Variants in LINGO1 observed in about 807,000 individuals in gnomAD.
LINGO1 encodes leucine rich repeat and Ig domain containing 1, also known as leucine-rich repeat and immunoglobulin-like domain-containing nogo receptor-interacting protein 1.
In LINGO1, 11 loss-of-function variants were observed where a neutral mutation model predicts 37.3. The observed-to-expected ratio is 0.29, with a 90% confidence interval of 0.19 to 0.49. LINGO1 has a LOEUF of 0.49. Among genes scored for constraint, LINGO1 ranks in the 20% least tolerant of loss-of-function variants. The probability of loss-of-function intolerance (pLI) is 0.99; values close to 1 mark genes in which losing one functional copy is unlikely to be tolerated. For synonymous variants in LINGO1, 387 were observed against 403.0 expected (o/e 0.96, Z 0.48); for missense variants, 585 against 878.2 (o/e 0.67, Z 4.22).
At chr15:77,711,602 A>G (rs2075918421) in intron 2 of LINGO1, among the ~76,000 whole-genome samples, 1 of 152,224 alleles carries the variant, frequency 6.6e-6, no homozygotes, top group African/African-American at 2.4e-5. Context: ...CAGGTTCCCT[A>G]TCTGTAAACA....
intron 3 of LINGO1, among the ~76,000 whole-genome samples, chr15:77,674,505 G>A (rs916016629): frequency 6.6e-6 from 1 of 152,022 alleles, no homozygotes; most frequent in African/African-American, 2.4e-5. Flanking sequence ...GTCCCTGTTC[G>A]GCTGCATGGC....
At position 77,614,749 on chromosome 15, in the gene LINGO1, C is replaced by A; in HGVS notation, c.1158G>T (p.Arg386=). The change falls in exon 2 of 2, where the codon CGG becomes CGT. Residue 386 remains arginine, a synonymous_variant. Coordinates refer to ENST00000355300, the MANE Select transcript of LINGO1 (RefSeq NM_032808.7). ...TGGGCTGCTGCCGGTTGAAGTTGAG[C>A]CGCCAGCGGCGCCGGAACACCCACA... ...RLLWVFRRRW[R]LNFNRQQPTC... 1 of 1,605,926 alleles carries A rather than the reference C, an allele frequency of 6.2e-7. No individual in the cohort carries two copies. The highest frequency in any genetic ancestry group is 8.5e-7 in the Non-Finnish European group (1 of 1,176,398).
At chr15:77,638,580 A>G (rs1002717444), upstream of LINGO1, among the ~76,000 whole-genome samples, 1 of 152,194 alleles carries the variant, frequency 6.6e-6, no homozygotes, top group Non-Finnish European at 1.5e-5. Context: ...AAATCCATTC[A>G]TTAAGCGCTT....
At chr15:77,722,657 T>C (rs1378335474) in intron 2 of LINGO1, among the ~76,000 whole-genome samples, 1 of 152,264 alleles carries the variant, frequency 6.6e-6, no homozygotes, top group Non-Finnish European at 1.5e-5. Context: ...ATCACGGTTC[T>C]GTCTTTTAAA....
intron 1 of LINGO1, among the ~76,000 whole-genome samples, chr15:77,746,878 C>T (rs958551520): frequency 1.3e-5 from 2 of 152,234 alleles, no homozygotes; most frequent in Non-Finnish European, 1.5e-5. Flanking sequence ...CCAGAGACCA[C>T]CCCCCACTCC....
At chr15:77,797,070 G>A (rs890400145) in intron 1 of LINGO1, among the ~76,000 whole-genome samples, 12 of 152,178 alleles carry the variant, frequency 7.9e-5, no homozygotes, top group African/African-American at 2.9e-4. Context: ...TCCTCTGTGA[G>A]TAGGGGAGGG....
chr15:77,763,534 C>G (rs150187489), intron 1 of LINGO1, among the ~76,000 whole-genome samples: 1 of 152,138 alleles, frequency 6.6e-6, no homozygotes, highest in Non-Finnish European at 1.5e-5. Flanking sequence ...GACTGACCCT[C>G]GAATATGTCC....
chr15:77,808,751 T>C (rs760931848), intron 1 of LINGO1, among the ~76,000 whole-genome samples: 7 of 152,112 alleles, frequency 4.6e-5, no homozygotes, highest in East Asian at 3.9e-4. Context: ...TAAATGGGGA[T>C]AGTAATAGTG....
intron 1 of LINGO1, among the ~76,000 whole-genome samples, chr15:77,759,976 GGGATGTGGCCCGGAAA>G (rs1229317927): frequency 6.6e-6 from 1 of 152,244 alleles, no homozygotes; most frequent in African/African-American, 2.4e-5. Flanking sequence ...CCGGAGGGAG[GGGATGTGGCCCGGAAA>G]TAAACTGCCA....
At chr15:77,806,045 G>A (rs942402410) in intron 1 of LINGO1, among the ~76,000 whole-genome samples, 36 of 152,094 alleles carry the variant, frequency 2.4e-4, no homozygotes, top group African/African-American at 7.7e-4. Flanking sequence ...ACCTCTCCTC[G>A]GCAGCTATGG....
chr15:77,669,486 AG>A (rs2075210047), intron 3 of LINGO1, among the ~76,000 whole-genome samples: 1 of 152,130 alleles, frequency 6.6e-6, no homozygotes, highest in South Asian at 2.1e-4. Flanking sequence ...TACACACCAG[AG>A]GAAGGGAGAG....
chr15:77,753,864 C>T (rs1325930691), intron 1 of LINGO1, among the ~76,000 whole-genome samples: 8 of 152,222 alleles, frequency 5.3e-5, no homozygotes, highest in African/African-American at 1.9e-4. Flanking sequence ...GCCACTCACC[C>T]AAAGAGGCAG....
intron 1 of LINGO1, chr15:77,735,197 C>T (rs1485751507): frequency 6.6e-6 from 1 of 152,340 alleles, no homozygotes; most frequent in Non-Finnish European, 1.5e-5. Context: ...AGACCTGGAC[C>T]CTGCCCTCTG....
intron 2 of LINGO1, among the ~76,000 whole-genome samples, chr15:77,732,317 C>A (rs2076161174): frequency 6.6e-6 from 1 of 152,232 alleles, no homozygotes; most frequent in Non-Finnish European, 1.5e-5. Context: ...GCAGCGTTTG[C>A]AGCAGACACA....
intron 3 of LINGO1, among the ~76,000 whole-genome samples, chr15:77,672,260 C>G (rs996119380): frequency 6.6e-6 from 1 of 151,814 alleles, no homozygotes; most frequent in South Asian, 2.1e-4. Context: ...GTACCCAACC[C>G]TCCCCTTTCA....
At chr15:77,684,941 TG>T (rs2075478869) in intron 2 of LINGO1, among the ~76,000 whole-genome samples, 1 of 151,872 alleles carries the variant, frequency 6.6e-6, no homozygotes, top group Non-Finnish European at 1.5e-5. Flanking sequence ...GGGAGGGCTC[TG>T]GGTTCTGACT....
At chr15:77,634,171 C>T (rs2074347341), upstream of LINGO1, 2 of 450,160 alleles carry the variant, frequency 4.4e-6, no homozygotes, top group Non-Finnish European at 8.9e-6. Context: ...TGCGCAACAT[C>T]ATTGCAGAGA....
intron 1 of LINGO1, among the ~76,000 whole-genome samples, chr15:77,622,656 G>A (rs990499811): frequency 1.3e-5 from 2 of 152,210 alleles, no homozygotes; most frequent in East Asian, 1.9e-4. Flanking sequence ...ACGATAAAGC[G>A]TGTTAGCGGG....
At chr15:77,621,175 C>T (rs1001028926) in intron 1 of LINGO1, among the ~76,000 whole-genome samples, 2 of 152,050 alleles carry the variant, frequency 1.3e-5, no homozygotes, top group African/African-American at 4.8e-5. Flanking sequence ...TGGCCTCAGC[C>T]TCCCAGATAG....
Sources: gnomAD v4.1 joint callset for allele counts (sites outside exome capture counted in the v4.1 genomes callset) on GRCh38, gnomAD v4.1.1 for gene constraint, MANE v1.5 for transcripts, NCBI Gene and HGNC (gene_info 2026-07-23, HGNC 2026-07-21) for gene names.